Variants in CNTNAP2 observed in about 807,000 individuals in gnomAD.
The protein encoded by CNTNAP2 is contactin associated protein 2.
In CNTNAP2, 98 loss-of-function variants were observed where a neutral mutation model predicts 155.2. That is an observed-to-expected ratio of 0.63 (90% CI 0.54 to 0.75). CNTNAP2 has a LOEUF of 0.75. Ranked by LOEUF, CNTNAP2 falls within the 30% of genes least tolerant of loss-of-function variation. CNTNAP2 has a pLI of 0.00. For synonymous variants in CNTNAP2, 651 were observed against 631.2 expected, an observed-to-expected ratio of 1.03 and a Z score of -0.47; for missense variants, 1,727 against 1,688.1, an observed-to-expected ratio of 1.02 and a Z score of -0.40.
chr7:147,284,516 TAATAAC>T (rs1487839203), intron 8 of CNTNAP2, among the ~76,000 whole-genome samples: 22 of 151,896 alleles, frequency 1.4e-4, no homozygotes, highest in Non-Finnish European at 2.8e-4. Context: ...GAAACCATAT[TAATAAC>T]AAATCAATAT....
chr7:148,021,457 C>G (rs915099647), intron 15 of CNTNAP2, among the ~76,000 whole-genome samples: 2 of 152,180 alleles, frequency 1.3e-5, no homozygotes, highest in Middle Eastern at 3.2e-3. Context: ...AATAGGGAGA[C>G]ACGGGGGACA....
chr7:147,363,342 G>T (rs116360181), intron 9 of CNTNAP2, among the ~76,000 whole-genome samples: 5 of 152,094 alleles, frequency 3.3e-5, no homozygotes, highest in African/African-American at 9.7e-5. Context: ...CTGTGAAAAA[G>T]GAATGTTATT....
Position 147,919,459 on chromosome 7 carries a change from C to CTTTCTTTTTTT in CNTNAP2, c.2255+15741_2255+15742insCTTTTTTTTTT, listed in dbSNP as rs58537091. The stretch of plus-strand genomic sequence containing the variant: ...CACCATGTCTGGCTACTTTTTCTTT[C>CTTTCTTTTTTT]TTTTTTTTTTTTTTTTTGAGACAGA... On this transcript the variant is annotated intron_variant, in intron 14 of 23. Transcript: ENST00000361727. Among the ~76,000 whole-genome samples, 18 of 51,226 alleles carry CTTTCTTTTTTT rather than the reference C, an allele frequency of 3.5e-4. 2 individuals are homozygous for CTTTCTTTTTTT. Among genetic ancestry groups the CTTTCTTTTTTT allele is most frequent in the South Asian group, 1.1e-3 (2 of 1,762 alleles). The allele number at this position is 51,226 out of a possible 152,430, so 33.6% of individuals were successfully genotyped here. A position where few individuals can be genotyped will look rare whatever the true frequency, so the allele number is the denominator to read the frequency against.
chr7:147,262,192 G>C (rs1804487712), intron 8 of CNTNAP2, among the ~76,000 whole-genome samples: 1 of 152,136 alleles, frequency 6.6e-6, no homozygotes, highest in African/African-American at 2.4e-5. Context: ...ACATACTGAA[G>C]GATTTTACAA....
chr7:146,365,549 AACATTCACAGACACAC>A (rs1795142968), intron 1 of CNTNAP2, among the ~76,000 whole-genome samples: 2 of 152,190 alleles, frequency 1.3e-5, no homozygotes, highest in Non-Finnish European at 2.9e-5. Flanking sequence ...ACCTTATCAA[AACATTCACAGACACAC>A]ACACAGACTT....
intron 1 of CNTNAP2, among the ~76,000 whole-genome samples, chr7:146,311,270 T>G (rs1037171572): frequency 5.3e-5 from 8 of 152,294 alleles, no homozygotes; most frequent in African/African-American, 1.9e-4. Flanking sequence ...ACAAAGCAAA[T>G]TTCTGTGACC....
intron 1 of CNTNAP2, among the ~76,000 whole-genome samples, chr7:146,736,612 T>A (rs1264559334): frequency 6.6e-6 from 1 of 152,156 alleles, no homozygotes; most frequent in Non-Finnish European, 1.5e-5. Context: ...TGATTCAGAG[T>A]GAGGCAGCTG....
At position 147,211,095 on chromosome 7, in the gene CNTNAP2, A is replaced by G. The variant is rs146872985; in HGVS notation, c.1348+78586A>G. 2.4e-3 allele frequency among the ~76,000 whole-genome samples: 370 copies of G among 151,636 alleles called. 2 individuals are homozygous for G. The highest frequency in any genetic ancestry group is 8.4e-3 in the African/African-American group (348 of 41,374). On this transcript the variant is annotated intron_variant, in intron 8 of 23. Transcript: ENST00000361727. ...TTGGAGTAGGTTTTATGTGCAGATGATAATGTATTGTATAGTTGATAGGTG... is the reference window on the plus strand; with the variant it reads ...TTGGAGTAGGTTTTATGTGCAGATGGTAATGTATTGTATAGTTGATAGGTG...
chr7:146,156,657 C>T lies in CNTNAP2; in HGVS notation c.97+39684C>T, dbSNP rs1234552158. On this transcript the variant is annotated intron_variant, in intron 1 of 23. Coordinates refer to ENST00000361727, the MANE Select transcript of CNTNAP2 (RefSeq NM_014141.6). ...TCACTCTGTCACCAAGGCTGGAGTG[C>T]AGTGGCACAATTTCGGCTCACTATA... Among the ~76,000 whole-genome samples, 4 of 152,200 alleles carry T rather than the reference C, an allele frequency of 2.6e-5. No individual in the cohort carries two copies. The East Asian group carries it at 7.7e-4, about 29-fold the overall frequency.
intron 1 of CNTNAP2, among the ~76,000 whole-genome samples, chr7:146,664,608 T>G (rs1346980429): frequency 6.6e-6 from 1 of 152,208 alleles, no homozygotes; most frequent in Non-Finnish European, 1.5e-5. Context: ...ATCTGTAGTT[T>G]TCTTTAACAT....
intron 3 of CNTNAP2, among the ~76,000 whole-genome samples, chr7:146,906,460 C>T (rs1050333982): frequency 5.3e-5 from 8 of 152,070 alleles, no homozygotes; most frequent in East Asian, 1.9e-4. Flanking sequence ...GATCTGAAAA[C>T]GGGCAGACTG....
At chr7:146,952,599 T>G (rs1584745072) in intron 3 of CNTNAP2, among the ~76,000 whole-genome samples, 1 of 152,192 alleles carries the variant, frequency 6.6e-6, no homozygotes, top group African/African-American at 2.4e-5. Flanking sequence ...ATAAAATCAA[T>G]GTGCAAAAAT....
intron 20 of CNTNAP2, among the ~76,000 whole-genome samples, chr7:148,254,223 T>A (rs4590355): frequency 0.73 from 111,591 of 151,932 alleles, 41,177 homozygotes; most frequent in South Asian, 0.84. Context: ...CATCAACGGC[T>A]CTTACCGCAC....
chr7:146,981,153 G>A (rs1056387726), intron 3 of CNTNAP2, among the ~76,000 whole-genome samples: 1 of 152,070 alleles, frequency 6.6e-6, no homozygotes, highest in Non-Finnish European at 1.5e-5. Context: ...AGAAATTTGT[G>A]CAACTAAGTC....
At chr7:147,206,874 T>C (rs774920255) in intron 8 of CNTNAP2, among the ~76,000 whole-genome samples, 2 of 152,186 alleles carry the variant, frequency 1.3e-5, no homozygotes, top group African/African-American at 2.4e-5. Flanking sequence ...ATATTTTAAA[T>C]AGAATGAGAT....
At chr7:146,644,575 T>G (rs1039690701) in intron 1 of CNTNAP2, among the ~76,000 whole-genome samples, 3 of 152,054 alleles carry the variant, frequency 2.0e-5, no homozygotes, top group Admixed American at 1.3e-4. Flanking sequence ...TATTGAGGAT[T>G]TTTGCATCAA....
At chr7:146,688,735 G>A (rs919462630) in intron 1 of CNTNAP2, among the ~76,000 whole-genome samples, 7 of 152,110 alleles carry the variant, frequency 4.6e-5, no homozygotes, top group Non-Finnish European at 8.8e-5. Flanking sequence ...GGGATATGAT[G>A]GCTTAGCTTG....
intron 12 of CNTNAP2, among the ~76,000 whole-genome samples, chr7:147,631,262 A>T (rs954001572): frequency 2.0e-5 from 3 of 152,148 alleles, no homozygotes; most frequent in African/African-American, 7.2e-5. Context: ...AATACTTAGG[A>T]CTATACCTAA....
chr7:146,191,099 G>C (rs927749676), intron 1 of CNTNAP2, among the ~76,000 whole-genome samples: 1 of 145,300 alleles, frequency 6.9e-6, no homozygotes, highest in African/African-American at 2.7e-5. Flanking sequence ...ATTCAATGTA[G>C]GTTCTTTTCA....
Sources: gnomAD v4.1 joint callset for allele counts (sites outside exome capture counted in the v4.1 genomes callset) on GRCh38, gnomAD v4.1.1 for gene constraint, MANE v1.5 for transcripts, NCBI Gene and HGNC (gene_info 2026-07-23, HGNC 2026-07-21) for gene names.